Variants in PLCB2 observed in about 807,000 individuals in gnomAD.
The protein encoded by PLCB2 is 1-phosphatidylinositol 4,5-bisphosphate phosphodiesterase beta-2.
PLCB2 carries 115 observed loss-of-function variants against 141.7 expected under a neutral mutation model. That is an observed-to-expected ratio of 0.81 (90% CI 0.70 to 0.95). The LOEUF (loss-of-function observed/expected upper bound fraction) is 0.95, where lower values mean the gene tolerates loss of function less well. PLCB2 is among the 40% of genes least tolerant of loss of function. The pLI is 0.00. For synonymous variants in PLCB2, 603 were observed against 595.6 expected (o/e 1.01, Z -0.18); for missense variants, 1,403 against 1,541.1 (o/e 0.91, Z 1.50).
downstream of PLCB2, among the ~76,000 whole-genome samples, chr15:40,287,352 T>C (rs1280893656): frequency 3.3e-5 from 5 of 152,146 alleles, no homozygotes; most frequent in Non-Finnish European, 5.9e-5. Flanking sequence ...GCTAACGGCA[T>C]GTGCTGTAAC....
chr15:40,291,163 C>CT lies in PLCB2; in HGVS notation c.2890dup (p.Ser964LysfsTer11). 6.4e-7 allele frequency: 1 copy of CT among 1,571,122 alleles called. No homozygotes were observed. Among genetic ancestry groups the CT allele is most frequent in the Non-Finnish European group, 8.6e-7 (1 of 1,166,192 alleles). On this transcript the variant is annotated frameshift_variant, in exon 27 of 32. Coordinates refer to ENST00000260402, the MANE Select transcript of PLCB2 (RefSeq NM_004573.3). LOFTEE classifies it high-confidence loss of function. ...GCCCTCGCCCGGCGCGGCTCCGGCG[C>CT]TCTCCTCGCGGGGCAGGCTCCTGGG...
chr15:40,294,541 T>C, intron 18 of PLCB2, 121 bp from the exon 19 acceptor site: 1 of 970,938 alleles, frequency 1.0e-6, no homozygotes. Flanking sequence ...ACCGTGAGGA[T>C]GAGGGCTTCT....
rs1264563556 is a variant in PLCB2 at position 40,289,968 on chromosome 15, A to AGAGAGAGAGAGT, written c.3267+56_3267+57insACTCTCTCTCTC. 8.0e-5 allele frequency: 42 copies of AGAGAGAGAGAGT among 525,170 alleles called. No individual in the cohort carries two copies. In the African/African-American group the frequency reaches 8.7e-4, roughly 11 times the overall value. 32.5% of individuals were successfully genotyped at this position (525,170 alleles called of 1,614,324 possible). A position where few individuals can be genotyped will look rare whatever the true frequency, so the allele number is the denominator to read the frequency against. ...GAGAGAGAGAGAGAGAGAGAGAGAG[A>AGAGAGAGAGAGT]GTGTGTGTGTGTGTGTGTGTGTGTG... On this transcript the variant is annotated intron_variant, in intron 30 of 31. Transcript: ENST00000260402.
At chr15:40,284,421 C>A (rs1182020417), downstream of PLCB2, 2 of 428,024 alleles carry the variant, frequency 4.7e-6, no homozygotes, top group East Asian at 7.6e-5. Flanking sequence ...GGGCTGAATT[C>A]TTCTGCTAAA....
At chr15:40,295,955 C>T (rs1269746112) in intron 16 of PLCB2, among the ~76,000 whole-genome samples, 3 of 152,182 alleles carry the variant, frequency 2.0e-5, no homozygotes, top group Admixed American at 6.5e-5. Context: ...TGCCTCCACT[C>T]CCTCTCAGGA....
chr15:40,291,382 C>A lies in PLCB2; in HGVS notation c.2753G>T (p.Arg918Leu). The change falls in exon 26 of 32, where the codon CGG (arginine) becomes CTG (leucine). Residue 918 changes from arginine to leucine, a missense_variant. Arg to Leu is a moderately radical substitution (Grantham distance 102). Transcript: ENST00000260402. ...ELRELERRGARRWEELLQRGA... is the reference protein window; with the variant it reads ...ELRELERRGALRWEELLQRGA... ...CCGCTGCAGCAGCTCCTCCCAGCGC[C>A]GCGCTCCGCGCCGCTCCAACTCTCG... The A allele has an allele frequency of 2.6e-6, 4 of 1,532,092 alleles. No homozygotes were observed. The highest frequency in any genetic ancestry group is 3.5e-6 in the Non-Finnish European group (4 of 1,144,866). The allele number at this position is 1,532,092 out of a possible 1,614,324, so 94.9% of individuals were successfully genotyped here.
intron 30 of PLCB2, among the ~76,000 whole-genome samples, chr15:40,289,824 G>A (rs1041628353): frequency 4.6e-5 from 7 of 152,122 alleles, no homozygotes; most frequent in Admixed American, 2.0e-4. Flanking sequence ...ACACAGGCCA[G>A]AACCCCAGGA....
Position 40,295,704 on chromosome 15 carries a change from G to A in PLCB2, c.1697-419C>T, listed in dbSNP as rs893237419. On this transcript the variant is annotated intron_variant, in intron 16 of 31. Coordinates refer to ENST00000260402, the MANE Select transcript of PLCB2 (RefSeq NM_004573.3). ...GTCTGGGGAGAGGGGCACATTAACT[G>A]TAGTACATGCCATGAGTGTACCCAG... Among the ~76,000 whole-genome samples, 7 of 152,180 alleles carry A rather than the reference G, an allele frequency of 4.6e-5. No individual in the cohort carries two copies. The South Asian group carries it at 1.4e-3, about 31-fold the overall frequency.
chr15:40,285,910 C>T (rs2039602863), downstream of PLCB2: 5 of 985,456 alleles, frequency 5.1e-6, no homozygotes, highest in Non-Finnish European at 6.0e-6. Flanking sequence ...CCTGTTCCTC[C>T]GTGGTGGATT....
At position 40,295,227 on chromosome 15, in the gene PLCB2, G is replaced by A; in HGVS notation, c.1755C>T (p.Leu585=). Residue 585 remains leucine, a synonymous_variant, in exon 17 of 32, where the codon CTC becomes CTT. Coordinates refer to ENST00000260402, the MANE Select transcript of PLCB2 (RefSeq NM_004573.3). ...SFTELKAYDL[L]SKASVQFVDY... ...CCACAAACTGCACCGAGGCCTTGGA[G>A]AGCAGGTCATATGCCTTGAGCTCTG... The A allele has an allele frequency of 6.2e-7, 1 of 1,613,968 alleles. No homozygotes were observed. Among genetic ancestry groups the A allele is most frequent in the Non-Finnish European group, 8.5e-7 (1 of 1,179,818 alleles).
intron 25 of PLCB2, 22 bp from the exon 26 acceptor site, chr15:40,291,509 G>T: frequency 3.1e-6 from 5 of 1,595,010 alleles, no homozygotes; most frequent in Non-Finnish European, 2.6e-6. Flanking sequence ...CGGGTGAGGC[G>T]CAACACCGGC....
chr15:40,287,367 A>G (rs1403459663), downstream of PLCB2, among the ~76,000 whole-genome samples: 1 of 152,114 alleles, frequency 6.6e-6, no homozygotes, highest in Non-Finnish European at 1.5e-5. Context: ...TGTAACTCTA[A>G]TAAGAAAACA....
In PLCB2 at chr15:40,290,644, C is replaced by T. The variant is rs1449542679; in HGVS notation, c.3142G>A (p.Glu1048Lys). Reference sequence around the variant, plus strand: ...TGGATCCGCTCCAGTCTCTTTGTCTCCAGCTTTTTCTTCATCTCTTTGGTG... The same window carrying T: ...TGGATCCGCTCCAGTCTCTTTGTCTTCAGCTTTTTCTTCATCTCTTTGGTG... ...NDTKEMKKKL[E>K]TKRLERIQGM... Residue 1048 changes from glutamate to lysine, a missense_variant, in exon 29 of 32, where the codon GAG becomes AAG. Around this residue, in one of 4 missense-constraint regions of PLCB2, gnomAD observed 290 missense variants for 245.9 expected, o/e 1.18. Transcript: ENST00000260402. The T allele has an allele frequency of 3.7e-6, 6 of 1,613,980 alleles. No individual in the cohort carries two copies. The highest frequency in any genetic ancestry group is 5.1e-6 in the Non-Finnish European group (6 of 1,180,006).
downstream of PLCB2, chr15:40,285,516 T>G (rs1476612112): frequency 3.0e-6 from 3 of 984,156 alleles, no homozygotes; most frequent in African/African-American, 5.2e-5. Context: ...TAGAGCTGCA[T>G]AGTTATTTAG....
chr15:40,297,703 G>T lies in PLCB2; in HGVS notation c.1239-98C>A. 1 of 1,074,704 alleles carries T rather than the reference G, an allele frequency of 9.3e-7. No homozygotes were observed. The highest frequency in any genetic ancestry group is 1.4e-6 in the Non-Finnish European group (1 of 710,416). 66.6% of individuals were successfully genotyped at this position (1,074,704 alleles called of 1,614,324 possible). On this transcript the variant is annotated intron_variant, in intron 12 of 31. Transcript: ENST00000260402. The surrounding 1 kb of genome is among the most constrained non-coding windows in gnomAD (Gnocchi z 4.2). ...TGATGACCCAGATCAGGGGCCAGGA[G>T]GTCAGGGAGGCTGGGACTCGAGCAG...
chr15:40,289,616 T>C, intron 30 of PLCB2: 1 of 553,600 alleles, frequency 1.8e-6, no homozygotes, highest in Admixed American at 3.1e-5. Flanking sequence ...CTGTGTTCTG[T>C]GGTTAATGAT....
chr15:40,291,558 AC>A, intron 25 of PLCB2, 47 bp downstream of exon 25: 1 of 1,609,442 alleles, frequency 6.2e-7, no homozygotes, highest in Non-Finnish European at 8.5e-7. Context: ...GGAGCCCCGG[AC>A]CCGCCCCAGG....
chr15:40,300,930 A>C (rs1316951891), intron 7 of PLCB2: 2 of 152,542 alleles, frequency 1.3e-5, no homozygotes, highest in Non-Finnish European at 2.9e-5. Flanking sequence ...AAGTTGGGTC[A>C]GTAGCCTCTA....
At chr15:40,285,061 G>T (rs146715298), downstream of PLCB2, among the ~76,000 whole-genome samples, 5 of 152,052 alleles carry the variant, frequency 3.3e-5, no homozygotes, top group African/African-American at 1.2e-4. Flanking sequence ...ATAGATAGGC[G>T]TGGCAAAGTG....
Sources: gnomAD v4.1 joint callset for allele counts (sites outside exome capture counted in the v4.1 genomes callset) on GRCh38, gnomAD v4.1.1 for gene constraint, gnomAD v4.1.1 regional missense constraint, Gnocchi (gnomAD v3.1) non-coding constraint, MANE v1.5 for transcripts, NCBI Gene and HGNC (gene_info 2026-07-23, HGNC 2026-07-21) for gene names.